Variants in PRPS2 observed in about 807,000 individuals in gnomAD.
The protein encoded by PRPS2 is phosphoribosyl pyrophosphate synthetase 2.
For synonymous variants in PRPS2, 111 were observed against 115.3 expected, an observed-to-expected ratio of 0.96 and a Z score of 0.24; for missense variants, 104 against 271.5, an observed-to-expected ratio of 0.38 and a Z score of 4.34.
At chrX:12,810,262 A>T in intron 4 of PRPS2, 116 bp downstream of exon 4, 1 of 981,303 alleles carries the variant, frequency 1.0e-6, no homozygotes, top group Non-Finnish European at 1.4e-6. Flanking sequence ...TTTGCTAATG[A>T]GCAAGTAAGT....
intron 1 of PRPS2, among the ~76,000 whole-genome samples, chrX:12,793,783 C>T (rs1299481528): frequency 1.8e-5 from 2 of 112,365 alleles, no homozygotes; most frequent in Admixed American, 1.9e-4. Context: ...ATCTGGTTTG[C>T]TGTCTCCTGG....
chrX:12,809,319 C>T lies in PRPS2; in HGVS notation c.392C>T (p.Ala131Val). The T allele has an allele frequency of 8.3e-7, 1 of 1,208,241 alleles. No individual in the cohort carries two copies. Among genetic ancestry groups the T allele is most frequent in the East Asian group, 3.0e-5 (1 of 33,785 alleles). Residue 131 changes from alanine to valine, a missense_variant, in exon 3 of 7, where the codon GCT becomes GTT. Physicochemically the swap from Ala to Val is moderately conservative, Grantham distance 64. Transcript: ENST00000380668. Reference sequence around the variant, plus strand: ...CACATCATCACCATGGACCTGCATGCTTCTCAGATACAGGTATCCGTGTTT... The same window carrying T: ...CACATCATCACCATGGACCTGCATGTTTCTCAGATACAGGTATCCGTGTTT... ...ADHIITMDLH[A>V]SQIQGFFDIP...
At chrX:12,794,692 A>G (rs1322425786) in intron 1 of PRPS2, among the ~76,000 whole-genome samples, 1 of 112,028 alleles carries the variant, frequency 8.9e-6, no homozygotes, top group Non-Finnish European at 1.9e-5. Flanking sequence ...GAATAAAGGT[A>G]GTCATGATCA....
In PRPS2 at chrX:12,791,482, A is replaced by G. The variant is rs759767643; in HGVS notation, c.-16A>G. ...TCCTCCGCCGCCGCGCGCCCCTCGGAGTTCCGCGCCCCACCATGCCCAACA... is the reference window on the plus strand; with the variant it reads ...TCCTCCGCCGCCGCGCGCCCCTCGGGGTTCCGCGCCCCACCATGCCCAACA... On this transcript the variant is annotated 5_prime_UTR_variant, in exon 1 of 7. Transcript: ENST00000380668. The G allele has an allele frequency of 4.2e-6, 5 of 1,195,029 alleles. No individual in the cohort carries two copies. In the African/African-American group the frequency reaches 5.4e-5, roughly 13 times the overall value.
At chrX:12,819,703 C>T (rs372686122) in intron 5 of PRPS2, 23 bp downstream of exon 5, 7 of 1,180,094 alleles carry the variant, frequency 5.9e-6, no homozygotes, top group South Asian at 3.9e-5. Context: ...GTGGGGAAAG[C>T]GTTAGGACTT....
In PRPS2 at chrX:12,824,218, G is replaced by T. The variant is rs751540457; in HGVS notation, c.*1422G>T. 1.8e-5 allele frequency: 2 copies of T among 112,597 alleles called. No individual in the cohort carries two copies. Among genetic ancestry groups the T allele is most frequent in the Non-Finnish European group, 3.8e-5 (2 of 53,281 alleles). 9.3% of individuals were successfully genotyped at this position (112,597 alleles called of 1,213,427 possible). On this transcript the variant is annotated 3_prime_UTR_variant, in exon 7 of 7. Transcript: ENST00000380668. ...ATTTCAATAAAATCATTCTGACTGC[G>T]TTCATAGTTTGTATGTATCATTGTG...
chrX:12,818,366 C>CA (rs35450855), intron 4 of PRPS2, among the ~76,000 whole-genome samples: 25,976 of 62,674 alleles, frequency 0.41, 4,411 homozygotes, highest in Middle Eastern at 0.53. Context: ...GAAACTGTCT[C>CA]AAAAAAAAAA....
chrX:12,799,060 C>A (rs2042557265), intron 1 of PRPS2, 147 bp from the exon 2 acceptor site: 2 of 526,077 alleles, frequency 3.8e-6, no homozygotes, highest in Admixed American at 3.9e-5. Flanking sequence ...TGTGTCCTTT[C>A]TCTGCAATAA....
chrX:12,805,382 C>A (rs1234506508), intron 2 of PRPS2, among the ~76,000 whole-genome samples: 1 of 111,569 alleles, frequency 9.0e-6, no homozygotes, highest in Non-Finnish European at 1.9e-5. Context: ...TATGAAGTAC[C>A]TACCATATTA....
At chrX:12,794,182 TCA>T (rs2042532783) in intron 1 of PRPS2, among the ~76,000 whole-genome samples, 1 of 112,634 alleles carries the variant, frequency 8.9e-6, no homozygotes, top group South Asian at 3.7e-4. Context: ...CCGCGTATGG[TCA>T]CAGCTGAGGC....
chrX:12,796,739 G>C (rs2042545686), intron 1 of PRPS2, among the ~76,000 whole-genome samples: 1 of 110,313 alleles, frequency 9.1e-6, no homozygotes, highest in Non-Finnish European at 1.9e-5. Context: ...AGAAAAATGG[G>C]GTTAGGGACA....
chrX:12,808,335 T>A (rs1377919273), intron 2 of PRPS2, among the ~76,000 whole-genome samples: 1 of 106,368 alleles, frequency 9.4e-6, no homozygotes, highest in East Asian at 3.3e-4. Flanking sequence ...CATTTGTTAC[T>A]ATTTTGAATG....
chrX:12,802,429 T>C lies in PRPS2; in HGVS notation c.306+3039T>C, dbSNP rs778573929. ...TGCCGTCTCAGCTCACTGCAACCTC[T>C]GCCTCCCAGGTTTAAGGATTCTCCT... On this transcript the variant is annotated intron_variant, in intron 2 of 6. Coordinates refer to ENST00000380668, the MANE Select transcript of PRPS2 (RefSeq NM_002765.5). Among the ~76,000 whole-genome samples, 247 of 112,098 alleles carry C rather than the reference T, an allele frequency of 2.2e-3. 3 individuals carry two copies. Among genetic ancestry groups the C allele is most frequent in the Non-Finnish European group, 3.1e-3 (165 of 53,193 alleles).
At chrX:12,793,642 TA>T (rs2042530156) in intron 1 of PRPS2, among the ~76,000 whole-genome samples, 1 of 112,270 alleles carries the variant, frequency 8.9e-6, no homozygotes, top group Non-Finnish European at 1.9e-5. Context: ...CTGGACCAGT[TA>T]CTGTGCTAGG....
At chrX:12,794,959 A>C (rs2042536658) in intron 1 of PRPS2, among the ~76,000 whole-genome samples, 1 of 112,008 alleles carries the variant, frequency 8.9e-6, no homozygotes, top group Admixed American at 9.4e-5. Context: ...CAGTTCTGTA[A>C]GTTACGGTAA....
chrX:12,822,304 C>A (rs2042680092), intron 6 of PRPS2, among the ~76,000 whole-genome samples: 1 of 112,374 alleles, frequency 8.9e-6, no homozygotes, highest in Admixed American at 9.4e-5. Flanking sequence ...AGTTTGCTGA[C>A]CCCTGAGTTA....
chrX:12,803,287 A>G (rs1245662934), intron 2 of PRPS2, among the ~76,000 whole-genome samples: 1 of 111,412 alleles, frequency 9.0e-6, no homozygotes, highest in African/African-American at 3.3e-5. Flanking sequence ...TCACTCTCTC[A>G]TTTTTAATTT....
intron 2 of PRPS2, among the ~76,000 whole-genome samples, chrX:12,807,978 C>T (rs1171453546): frequency 1.9e-5 from 2 of 105,821 alleles, no homozygotes; most frequent in Non-Finnish European, 3.9e-5. Context: ...AGCAATTCTC[C>T]TGCCTCAGCC....
intron 6 of PRPS2, among the ~76,000 whole-genome samples, chrX:12,822,119 G>A (rs977098197): frequency 8.9e-6 from 1 of 112,107 alleles, no homozygotes; most frequent in Non-Finnish European, 1.9e-5. Context: ...ACTATGGCTC[G>A]CAAGTGAAAT....
Sources: allele counts gnomAD v4.1 joint callset (sites outside exome capture counted in the v4.1 genomes callset), GRCh38; gene constraint gnomAD v4.1.1; transcripts MANE v1.5; gene names NCBI Gene and HGNC (gene_info 2026-07-23, HGNC 2026-07-21).